PLS1: variants seen among roughly 807,000 people sequenced by gnomAD.
PLS1 encodes plastin-1.
PLS1 carries 32 observed loss-of-function variants against 73.7 expected under a neutral mutation model. The observed-to-expected ratio is 0.43, with a 90% CI of 0.33 to 0.58. PLS1 has a LOEUF of 0.58. PLS1 is among the 20% of genes least tolerant of loss of function. The pLI, the probability that PLS1 is intolerant of heterozygous loss-of-function variation, is 0.04. For missense variants in PLS1, 633 were observed against 740.5 expected (o/e 0.85, Z 1.68); for synonymous variants, 217 against 261.3 (o/e 0.83, Z 1.63).
rs569892399 is a variant in PLS1, at chr3:142,656,332, T to C, written c.-36-7870T>C. Among the ~76,000 whole-genome samples the C allele has an allele frequency of 2.0e-5, 3 of 152,372 alleles. No individual in the cohort carries two copies. The South Asian group carries it at 6.2e-4, about 32-fold the overall frequency. On this transcript the variant is annotated intron_variant, in intron 1 of 15. Transcript: ENST00000457734. ...ATGAAAAAGTTGAGCTCAGTTATTTTAGTGCTGAAGGATGCTCAGGAAATC... is the reference window on the plus strand; with the variant it reads ...ATGAAAAAGTTGAGCTCAGTTATTTCAGTGCTGAAGGATGCTCAGGAAATC...
rs1055791242 is a variant in PLS1, at chr3:142,713,064, G to A, written c.*1057G>A. The A allele has an allele frequency of 1.3e-5, 2 of 152,368 alleles. No homozygotes were observed. The highest frequency in any genetic ancestry group is 1.3e-4 in the Admixed American group (2 of 15,262). The allele number at this position is 152,368 out of a possible 1,614,324, so 9.4% of individuals were successfully genotyped here. ...GCCCACTGAATATCTTTAATAGAAA[G>A]TAACATAAAGCTAGTATTCAATGTA... On this transcript the variant is annotated 3_prime_UTR_variant, in exon 16 of 16. Coordinates refer to ENST00000457734, the MANE Select transcript of PLS1 (RefSeq NM_001145319.2).
At chr3:142,610,061 G>A (rs1346221608) in intron 1 of PLS1, among the ~76,000 whole-genome samples, 2 of 152,108 alleles carry the variant, frequency 1.3e-5, no homozygotes, top group Non-Finnish European at 2.9e-5. Context: ...TAGAGCTGGG[G>A]TTTCACCATG....
At chr3:142,676,468 T>G (rs925731541) in intron 5 of PLS1, among the ~76,000 whole-genome samples, 179 bp downstream of exon 5, 1 of 152,208 alleles carries the variant, frequency 6.6e-6, no homozygotes, top group Non-Finnish European at 1.5e-5. Context: ...TTTCCAAAAT[T>G]TTCCTTCAAA....
intron 1 of PLS1, among the ~76,000 whole-genome samples, chr3:142,650,457 T>C (rs191181224): frequency 2.6e-5 from 4 of 152,262 alleles, no homozygotes; most frequent in African/African-American, 7.2e-5. Context: ...CTGCAGCTGC[T>C]CTGACCTCTA....
At chr3:142,625,404 A>G (rs1398491163) in intron 1 of PLS1, among the ~76,000 whole-genome samples, 17 of 151,722 alleles carry the variant, frequency 1.1e-4, no homozygotes. Context: ...AAATGTTTCC[A>G]ACTCAGTTCT....
At chr3:142,672,202 C>T (rs2037617660) in intron 4 of PLS1, among the ~76,000 whole-genome samples, 1 of 152,080 alleles carries the variant, frequency 6.6e-6, no homozygotes, top group South Asian at 2.1e-4. Flanking sequence ...CTTTTCATCA[C>T]CTGAAGACTC....
At chr3:142,649,780 T>C (rs1248711150) in intron 1 of PLS1, among the ~76,000 whole-genome samples, 1 of 152,218 alleles carries the variant, frequency 6.6e-6, no homozygotes, top group Admixed American at 6.5e-5. Context: ...TGGGAGCAAC[T>C]ATAAACTGAC....
chr3:142,614,254 T>C (rs2036174032), intron 1 of PLS1, among the ~76,000 whole-genome samples: 1 of 152,244 alleles, frequency 6.6e-6, no homozygotes, highest in African/African-American at 2.4e-5. Context: ...CCATACCATA[T>C]AATTTCAGCT....
At chr3:142,645,584 A>G (rs1260015577) in intron 1 of PLS1, 1 of 152,186 alleles carries the variant, frequency 6.6e-6, no homozygotes, top group Non-Finnish European at 1.5e-5. Flanking sequence ...CCAGGAGGTA[A>G]TACCTGGGTT....
chr3:142,629,853 G>C (rs2036515113), intron 1 of PLS1, among the ~76,000 whole-genome samples: 1 of 152,068 alleles, frequency 6.6e-6, no homozygotes, highest in Non-Finnish European at 1.5e-5. Flanking sequence ...ATGATGTTTA[G>C]CAACGTCCCT....
intron 1 of PLS1, among the ~76,000 whole-genome samples, chr3:142,649,729 C>T (rs994749865): frequency 1.3e-5 from 2 of 150,670 alleles, no homozygotes; most frequent in African/African-American, 5.0e-5. Context: ...GTCTAGAGAC[C>T]CTTAGGCTAT....
chr3:142,671,615 T>G (rs2037606052), intron 4 of PLS1, among the ~76,000 whole-genome samples: 3 of 152,176 alleles, frequency 2.0e-5, no homozygotes, highest in Admixed American at 1.3e-4. Context: ...GCATAGCACC[T>G]GATTTGCTTG....
At chr3:142,653,735 G>A (rs1418540514) in intron 1 of PLS1, among the ~76,000 whole-genome samples, 2 of 151,990 alleles carry the variant, frequency 1.3e-5, no homozygotes, top group African/African-American at 2.4e-5. Flanking sequence ...CGTGTATATA[G>A]TATAAAAAGA....
chr3:142,652,848 C>T (rs553922443), intron 1 of PLS1, among the ~76,000 whole-genome samples: 4 of 152,290 alleles, frequency 2.6e-5, no homozygotes, highest in South Asian at 2.1e-4. Flanking sequence ...TAACTCTGCA[C>T]GCTCATTCAT....
intron 4 of PLS1, among the ~76,000 whole-genome samples, chr3:142,675,314 A>G (rs1375458751): frequency 6.6e-6 from 1 of 152,196 alleles, no homozygotes. Context: ...CCAAATATAT[A>G]TTGTGCTCAT....
intron 12 of PLS1, among the ~76,000 whole-genome samples, chr3:142,699,785 T>A (rs1278778257): frequency 2.0e-5 from 3 of 152,138 alleles, no homozygotes; most frequent in Admixed American, 2.0e-4. Flanking sequence ...AAGAAAAAAA[T>A]TTTAAAAGAC....
chr3:142,633,343 TA>T (rs2036607460), intron 1 of PLS1, among the ~76,000 whole-genome samples: 1 of 152,130 alleles, frequency 6.6e-6, no homozygotes, highest in Non-Finnish European at 1.5e-5. Context: ...AATGTATACT[TA>T]AAAATGGTTA....
At chr3:142,669,676 TGATGA>T in intron 3 of PLS1, 123 bp downstream of exon 3, 1 of 528,968 alleles carries the variant, frequency 1.9e-6, no homozygotes, top group Non-Finnish European at 3.4e-6. Flanking sequence ...TTTAAAATGA[TGATGA>T]TGATGATGAC....
At chr3:142,683,984 A>C in intron 6 of PLS1, 22 bp from the exon 7 acceptor site, 3 of 1,560,552 alleles carry the variant, frequency 1.9e-6, no homozygotes, top group South Asian at 1.2e-5. Flanking sequence ...CCTCATGTGT[A>C]CTTTTTTTTT....
Sources: allele counts gnomAD v4.1 joint callset (sites outside exome capture counted in the v4.1 genomes callset), GRCh38; gene constraint gnomAD v4.1.1; transcripts MANE v1.5; gene names NCBI Gene and HGNC (gene_info 2026-07-23, HGNC 2026-07-21).